GRIA2: variants seen among roughly 807,000 people sequenced by gnomAD.
GRIA2 encodes glutamate receptor 2.
In GRIA2, 14 loss-of-function variants were observed where a neutral mutation model predicts 97.3. The ratio of observed to expected loss-of-function variants is 0.14; its 90% CI spans 0.10 to 0.23. The LOEUF (loss-of-function observed/expected upper bound fraction) is 0.23, where lower values mean the gene tolerates loss of function less well. Among genes scored for constraint, GRIA2 ranks in the 10% least tolerant of loss-of-function variants. GRIA2 has a pLI of 1.00. For synonymous variants in GRIA2, 412 were observed against 387.8 expected, an observed-to-expected ratio of 1.06 and a Z score of -0.73; for missense variants, 558 against 1,069.8, an observed-to-expected ratio of 0.52 and a Z score of 6.67.
chr4:157,358,498 T>TGTTAGGTGAGAGAA (rs1736491675), intron 12 of GRIA2, among the ~76,000 whole-genome samples: 4 of 152,186 alleles, frequency 2.6e-5, no homozygotes, highest in African/African-American at 9.7e-5. Context: ...AGTGGTTTAC[T>TGTTAGGTGAGAGAA]TAATTAGGTG....
At chr4:157,263,402 T>G (rs1443875400) in intron 2 of GRIA2, among the ~76,000 whole-genome samples, 1 of 152,030 alleles carries the variant, frequency 6.6e-6, no homozygotes, top group Non-Finnish European at 1.5e-5. Context: ...TTTTCTGTAG[T>G]GGCTCAGGAT....
chr4:157,234,052 G>T (rs1730136525), intron 2 of GRIA2, among the ~76,000 whole-genome samples: 4 of 151,986 alleles, frequency 2.6e-5, no homozygotes, highest in Admixed American at 2.0e-4. Flanking sequence ...TAAAATTATG[G>T]CTTCACTATT....
intron 3 of GRIA2, among the ~76,000 whole-genome samples, chr4:157,305,345 G>A (rs1392065103): frequency 6.6e-6 from 1 of 151,886 alleles, no homozygotes; most frequent in Non-Finnish European, 1.5e-5. Context: ...ACCATAATGT[G>A]TTCAGTCCCT....
In GRIA2 at chr4:157,364,975, T is replaced by C. The variant is rs1020585089; in HGVS notation, c.*1544T>C. On this transcript the variant is annotated 3_prime_UTR_variant, in exon 16 of 16. Transcript: ENST00000264426. ...TATCTTTCCCTTCATAAAATACCTCTTATTTCCATTAAAGCCCCCCAAGTT... is the reference window on the plus strand; with the variant it reads ...TATCTTTCCCTTCATAAAATACCTCCTATTTCCATTAAAGCCCCCCAAGTT... The C allele has an allele frequency of 2.0e-5, 3 of 151,704 alleles. No homozygotes were observed. Among genetic ancestry groups the C allele is most frequent in the Non-Finnish European group, 4.4e-5 (3 of 67,722 alleles). The allele number at this position is 151,704 out of a possible 1,614,324, so 9.4% of individuals were successfully genotyped here.
chr4:157,317,804 T>G (rs1734392044), intron 5 of GRIA2, 93 bp downstream of exon 5: 1 of 604,682 alleles, frequency 1.7e-6, no homozygotes, highest in Admixed American at 2.8e-5. Flanking sequence ...AGTGGTGTTT[T>G]AAAAAATACA....
chr4:157,350,269 C>T (rs971458221), intron 12 of GRIA2, among the ~76,000 whole-genome samples: 1 of 152,038 alleles, frequency 6.6e-6, no homozygotes, highest in African/African-American at 2.4e-5. Context: ...GTTCTGAATT[C>T]CCTCAACTAT....
intron 6 of GRIA2, among the ~76,000 whole-genome samples, chr4:157,330,847 G>A (rs1364184878): frequency 6.6e-6 from 1 of 151,888 alleles, no homozygotes; most frequent in African/African-American, 2.4e-5. Context: ...CAACTCAGCT[G>A]AGGGATTTCA....
At chr4:157,277,284 A>T (rs1732365165) in intron 2 of GRIA2, among the ~76,000 whole-genome samples, 1 of 151,930 alleles carries the variant, frequency 6.6e-6, no homozygotes, top group Admixed American at 6.6e-5. Flanking sequence ...AAAAAGAAAG[A>T]TCGCATAATC....
intron 3 of GRIA2, among the ~76,000 whole-genome samples, chr4:157,305,686 TG>T (rs1340680308): frequency 6.6e-6 from 1 of 152,104 alleles, no homozygotes; most frequent in East Asian, 1.9e-4. Context: ...CCTTGAGAAC[TG>T]GGTTCATATA....
chr4:157,297,067 G>A (rs899445805), intron 2 of GRIA2, among the ~76,000 whole-genome samples: 1 of 152,094 alleles, frequency 6.6e-6, no homozygotes, highest in South Asian at 2.1e-4. Context: ...TAAGCAGGAG[G>A]GTTATATCTG....
rs1224889663 is a variant in GRIA2, at chr4:157,221,815, A to G, written c.229+8A>G. On this transcript the variant is annotated splice_region_variant and intron_variant, in intron 2 of 15. Coordinates refer to ENST00000264426, the MANE Select transcript of GRIA2 (RefSeq NM_001083619.3). ...TCGCAGTCACTAATGCTTGTAAGTA[A>G]TGAATATTCATGCCTTTCGGGTGCT... 1 of 1,613,034 alleles carries G rather than the reference A, an allele frequency of 6.2e-7. No individual in the cohort carries two copies. The highest frequency in any genetic ancestry group is 1.7e-5 in the Admixed American group (1 of 60,014).
intron 9 of GRIA2, chr4:157,335,428 T>C (rs1404562061): frequency 1.4e-5 from 7 of 496,754 alleles, no homozygotes; most frequent in Non-Finnish European, 3.7e-6. Context: ...TGGTTTTGAG[T>C]ATCTTGTTAA....
rs866892563 is a variant in GRIA2, at chr4:157,356,035, T to G, written c.2044-3861T>G. Among the ~76,000 whole-genome samples the G allele has an allele frequency of 1.9e-5, 2 of 107,094 alleles. 1 individual carries two copies. Among genetic ancestry groups the G allele is most frequent in the Non-Finnish European group, 3.4e-5 (2 of 58,694 alleles). 70.3% of individuals were successfully genotyped at this position (107,094 alleles called of 152,430 possible). A position where few individuals can be genotyped will look rare whatever the true frequency, so the allele number is the denominator to read the frequency against. On this transcript the variant is annotated intron_variant, in intron 12 of 15. Transcript: ENST00000264426. ...TTTATATATATTTATATATTTATAT[T>G]TATTTATATATGTATTTATATATAT...
At chr4:157,317,445 A>G (rs1265475396) in intron 4 of GRIA2, among the ~76,000 whole-genome samples, 1 of 152,136 alleles carries the variant, frequency 6.6e-6, no homozygotes, top group African/African-American at 2.4e-5. Context: ...AAAGAGAATC[A>G]TTTATTAAGC....
In GRIA2 at chr4:157,336,763, G is replaced by C; in HGVS notation, c.1844+16G>C. 1 of 1,599,884 alleles carries C rather than the reference G, an allele frequency of 6.3e-7. No homozygotes were observed. Among genetic ancestry groups the C allele is most frequent in the African/African-American group, 1.3e-5 (1 of 74,740 alleles). On this transcript the variant is annotated intron_variant, in intron 11 of 15. Transcript: ENST00000264426. ...TTTCGCCAAGGTTGGTTACTCACCT[G>C]CTTCAACTTTGTGCATTTCAGGTCT...
At chr4:157,345,781 C>A (rs1270152252) in intron 12 of GRIA2, among the ~76,000 whole-genome samples, 1 of 152,078 alleles carries the variant, frequency 6.6e-6, no homozygotes, top group African/African-American at 2.4e-5. Context: ...GGATGAAGGA[C>A]ACAGATTATT....
At position 157,293,471 on chromosome 4, in the gene GRIA2, C is replaced by T. The variant is rs982761350; in HGVS notation, c.230-10081C>T. 7.2e-5 allele frequency among the ~76,000 whole-genome samples: 11 copies of T among 152,068 alleles called. No individual in the cohort carries two copies. The South Asian group carries it at 1.4e-3, about 20-fold the overall frequency. ...GTTCTGTGGTGTCCTTAATCAAAAA[C>T]ATAACAAAACCAGAAACGCACAAAC... On this transcript the variant is annotated intron_variant, in intron 2 of 15. Transcript: ENST00000264426.
chr4:157,288,306 G>A (rs1022927819), intron 2 of GRIA2, among the ~76,000 whole-genome samples: 23 of 151,484 alleles, frequency 1.5e-4, no homozygotes, highest in Non-Finnish European at 8.9e-5. Flanking sequence ...ACCAAAACCA[G>A]TTTACATTTT....
intron 2 of GRIA2, among the ~76,000 whole-genome samples, chr4:157,272,707 C>T (rs1426738536): frequency 1.3e-5 from 2 of 152,044 alleles, no homozygotes; most frequent in African/African-American, 2.4e-5. Flanking sequence ...CCAAAGCCTG[C>T]CCTTAAGAGA....
Sources: gnomAD v4.1 joint callset for allele counts (sites outside exome capture counted in the v4.1 genomes callset) on GRCh38, gnomAD v4.1.1 for gene constraint, MANE v1.5 for transcripts, NCBI Gene and HGNC (gene_info 2026-07-23, HGNC 2026-07-21) for gene names.